The following N4BP2L2 variants were observed in gnomAD, a reference collection of about 807,000 sequenced individuals.
N4BP2L2 encodes the protein NEDD4-binding protein 2-like 2.
A neutral mutation model predicts 56.2 loss-of-function variants in N4BP2L2; 50 were observed. The observed-to-expected ratio is 0.89, with a 90% CI of 0.71 to 1.13. The LOEUF (loss-of-function observed/expected upper bound fraction) is 1.13. Among genes scored for constraint, N4BP2L2 ranks in the 50% most tolerant of loss-of-function variants. The pLI is 0.00. For synonymous variants in N4BP2L2, 203 were observed against 223.6 expected (o/e 0.91, Z 0.82); for missense variants, 689 against 693.8 (o/e 0.99, Z 0.08).
At chr13:32,450,315 T>C (rs1187929530) in intron 6 of N4BP2L2, among the ~76,000 whole-genome samples, 1 of 151,918 alleles carries the variant, frequency 6.6e-6, no homozygotes, top group East Asian at 1.9e-4. Context: ...AAAAAAATTA[T>C]ATATAAAAAG....
Position 32,538,071 on chromosome 13 carries a change from G to GT in N4BP2L2, c.-1+546_-1+547insA, listed in dbSNP as rs538487382. On this transcript the variant is annotated intron_variant, in intron 1 of 5. Coordinates refer to ENST00000267068, the Ensembl canonical transcript of N4BP2L2. Reference sequence around the variant, plus strand: ...GGGCGACAGAGGGAGACCCCGTCTTGGGGGGGGGGGGCGGTTACTTCCCCT... The same window carrying GT: ...GGGCGACAGAGGGAGACCCCGTCTTGTGGGGGGGGGGGCGGTTACTTCCCCT... Among the ~76,000 whole-genome samples, 77 of 61,638 alleles carry GT rather than the reference G, an allele frequency of 1.2e-3. No individual in the cohort carries two copies. The East Asian group carries it at 0.031, about 25-fold the overall frequency. 40.4% of individuals were successfully genotyped at this position (61,638 alleles called of 152,430 possible).
chr13:32,487,268 G>A (rs1305858168), intron 6 of N4BP2L2, among the ~76,000 whole-genome samples: 3 of 151,762 alleles, frequency 2.0e-5, no homozygotes, highest in African/African-American at 4.8e-5. Flanking sequence ...GAGCCCAGAA[G>A]TTTAAGACCA....
chr13:32,451,015 C>T (rs1272924942), intron 6 of N4BP2L2, among the ~76,000 whole-genome samples: 1 of 151,672 alleles, frequency 6.6e-6, no homozygotes, highest in African/African-American at 2.4e-5. Flanking sequence ...CGCACCTGGC[C>T]TAAAATGTGA....
rs369328452 is a variant in N4BP2L2 at position 32,434,248 on chromosome 13, C to CTTT, written c.*22-1279_*22-1277dup. 1.9e-3 allele frequency among the ~76,000 whole-genome samples: 209 copies of CTTT among 111,994 alleles called. 4 individuals carry two copies. In the East Asian group the frequency reaches 0.031, roughly 17 times the overall value. The allele number at this position is 111,994 out of a possible 152,430, so 73.5% of individuals were successfully genotyped here. On this transcript the variant is annotated intron_variant, in intron 9 of 9. Coordinates refer to the N4BP2L2 transcript ENST00000357505. ...TGTGCCACCACATTCAGCTAATTTT[C>CTTT]TTTTTTTCTTTTTTTTTTTTTTGTA...
intron 8 of N4BP2L2, among the ~76,000 whole-genome samples, chr13:32,437,608 G>A (rs1175009680): frequency 6.6e-6 from 1 of 152,146 alleles, no homozygotes; most frequent in East Asian, 1.9e-4. Context: ...AAAATGAACA[G>A]CCCTCAGAAT....
At chr13:32,435,406 G>C (rs2075359913) in intron 9 of N4BP2L2, among the ~76,000 whole-genome samples, 2 of 151,920 alleles carry the variant, frequency 1.3e-5, no homozygotes. Flanking sequence ...GCTAATTTTT[G>C]TATTTTTAGT....
exon 6 of N4BP2L2, chr13:32,514,658 AAG>A (rs2048805886): frequency 6.6e-6 from 1 of 152,126 alleles, no homozygotes; most frequent in Non-Finnish European, 1.5e-5. Flanking sequence ...ACCCCCAAAA[AAG>A]ACTGTCTGAA....
rs2049385347 is a variant in N4BP2L2 at position 32,517,053 on chromosome 13, T to C, written c.*749A>G. The stretch of plus-strand genomic sequence containing the variant: ...TAAGCAACTGTCCAAAATATTTTTA[T>C]ACTAGAATTATATCACATTAAATTG... On this transcript the variant is annotated 3_prime_UTR_variant, in exon 6 of 6. Transcript: ENST00000267068. The C allele has an allele frequency of 5.1e-6, 5 of 972,108 alleles. No homozygotes were observed. In the South Asian group the frequency reaches 1.4e-4, roughly 28 times the overall value. 60.2% of individuals were successfully genotyped at this position (972,108 alleles called of 1,614,324 possible).
At chr13:32,517,004 G>A (rs960674608) in exon 6 of N4BP2L2, 1 of 969,254 alleles carries the variant, frequency 1.0e-6, no homozygotes, top group African/African-American at 1.8e-5. Flanking sequence ...ATATTCTATA[G>A]TACAAATCCT....
exon 2 of N4BP2L2, chr13:32,536,392 A>G (rs1260280425): frequency 6.2e-7 from 1 of 1,614,030 alleles, no homozygotes; most frequent in African/African-American, 1.3e-5. Flanking sequence ...TTAAGAGACC[A>G]TTATTATGAC....
intron 6 of N4BP2L2, among the ~76,000 whole-genome samples, chr13:32,448,256 T>C (rs1319920004): frequency 3.3e-5 from 5 of 152,106 alleles, no homozygotes; most frequent in Non-Finnish European, 5.9e-5. Context: ...AATCAGTAGA[T>C]GCATTTTCTT....
At chr13:32,486,051 C>A (rs772354056) in intron 6 of N4BP2L2, among the ~76,000 whole-genome samples, 19 of 152,220 alleles carry the variant, frequency 1.2e-4, no homozygotes, top group Non-Finnish European at 2.5e-4. Context: ...GCCTGGCGAA[C>A]AGAGATGTCA....
At chr13:32,499,948 C>T (rs1174558734) in intron 6 of N4BP2L2, among the ~76,000 whole-genome samples, 1 of 152,230 alleles carries the variant, frequency 6.6e-6, no homozygotes, top group East Asian at 1.9e-4. Context: ...CCTAACCTTA[C>T]TCAGTTCCAT....
At chr13:32,433,541 G>A (rs1026874572) in intron 9 of N4BP2L2, among the ~76,000 whole-genome samples, 2 of 152,240 alleles carry the variant, frequency 1.3e-5, no homozygotes, top group Non-Finnish European at 2.9e-5. Context: ...GCTGAGGTAG[G>A]AGAATCGCTT....
chr13:32,444,657 AT>A (rs2076775524), intron 6 of N4BP2L2, among the ~76,000 whole-genome samples: 1 of 152,254 alleles, frequency 6.6e-6, no homozygotes, highest in African/African-American at 2.4e-5. Flanking sequence ...GTTAAAGCTA[AT>A]ATGCATATAA....
chr13:32,504,826 T>C (rs769424836), intron 6 of N4BP2L2: 1 of 152,210 alleles, frequency 6.6e-6, no homozygotes, highest in African/African-American at 2.4e-5. Flanking sequence ...GACAAGTTAT[T>C]TGCTTCCAAA....
chr13:32,446,349 C>A (rs748866633), intron 6 of N4BP2L2: 18 of 1,364,156 alleles, frequency 1.3e-5, no homozygotes, highest in Admixed American at 3.8e-5. Context: ...TCCTTCATGG[C>A]CAGTTCTACC....
chr13:32,500,862 T>C (rs568258518), intron 6 of N4BP2L2, among the ~76,000 whole-genome samples: 25 of 138,446 alleles, frequency 1.8e-4, no homozygotes, highest in Non-Finnish European at 3.0e-4. Flanking sequence ...ACTTTAGTCT[T>C]TTCTTTTTTT....
At chr13:32,527,254 C>T (rs2053285710) in intron 3 of N4BP2L2, 154 bp downstream of exon 3, 1 of 730,772 alleles carries the variant, frequency 1.4e-6, no homozygotes, top group Non-Finnish European at 2.2e-6. Flanking sequence ...ATAATTATCA[C>T]CACCTCTAAC....
Sources: gnomAD v4.1 joint callset for allele counts (sites outside exome capture counted in the v4.1 genomes callset) on GRCh38, gnomAD v4.1.1 for gene constraint, MANE v1.5 for transcripts, NCBI Gene and HGNC (gene_info 2026-07-23, HGNC 2026-07-21) for gene names.